NDUFAF5: variants seen among roughly 807,000 people sequenced by gnomAD.
The protein encoded by NDUFAF5 is NADH:ubiquinone oxidoreductase complex assembly factor 5.
NDUFAF5 carries 34 observed loss-of-function variants against 48.9 expected under a neutral mutation model. The observed-to-expected ratio is 0.70, with a 90% CI of 0.53 to 0.93. The LOEUF is 0.93. Ranked by LOEUF, NDUFAF5 falls within the 40% of genes least tolerant of loss-of-function variation. NDUFAF5 has a pLI of 0.00. For synonymous variants in NDUFAF5, 153 were observed against 150.6 expected (o/e 1.02, Z -0.12); for missense variants, 428 against 427.5 (o/e 1.00, Z -0.01).
At chr20:13,791,987 A>G (rs1450864438) in intron 3 of NDUFAF5, among the ~76,000 whole-genome samples, 1 of 152,182 alleles carries the variant, frequency 6.6e-6, no homozygotes, top group South Asian at 2.1e-4. Context: ...CCTGGTGGGA[A>G]TATTTATACC....
chr20:13,807,944 G>A lies in NDUFAF5; in HGVS notation c.718-898G>A, dbSNP rs62209208. On this transcript the variant is annotated intron_variant, in intron 7 of 10. Transcript: ENST00000378106. ...AGCCTGGGCAACACAGCAAGAATCC[G>A]TCTTAAAAAAAAAAAAAATTATTTT... Among the ~76,000 whole-genome samples, 447 of 81,040 alleles carry A rather than the reference G, an allele frequency of 5.5e-3. 1 individual carries two copies. The highest frequency in any genetic ancestry group is 8.8e-3 in the South Asian group (25 of 2,850). 53.2% of individuals were successfully genotyped at this position (81,040 alleles called of 152,430 possible). A position where few individuals can be genotyped will look rare whatever the true frequency, so the allele number is the denominator to read the frequency against.
chr20:13,804,488 C>CT (rs375461108), intron 7 of NDUFAF5, among the ~76,000 whole-genome samples: 39 of 151,512 alleles, frequency 2.6e-4, no homozygotes, highest in African/African-American at 8.2e-4. Context: ...ATTTCTGAAA[C>CT]TTTTTTTATT....
intron 8 of NDUFAF5, among the ~76,000 whole-genome samples, chr20:13,815,049 A>G (rs1464195608): frequency 6.6e-6 from 1 of 152,228 alleles, no homozygotes; most frequent in Non-Finnish European, 1.5e-5. Context: ...CTTAATTAGT[A>G]TATCCTAATA....
chr20:13,794,325 G>A (rs1298936975), intron 4 of NDUFAF5, among the ~76,000 whole-genome samples: 3 of 151,788 alleles, frequency 2.0e-5, no homozygotes, highest in Non-Finnish European at 4.4e-5. Context: ...TGTTGTCCAG[G>A]CTGGAGTGCA....
intron 7 of NDUFAF5, among the ~76,000 whole-genome samples, chr20:13,806,236 G>A (rs549263970): frequency 2.0e-5 from 3 of 152,276 alleles, no homozygotes; most frequent in Admixed American, 6.5e-5. Flanking sequence ...GGCCTGGCAC[G>A]GTGGCTCACG....
At chr20:13,795,636 T>A (rs894042309) in intron 5 of NDUFAF5, among the ~76,000 whole-genome samples, 1 of 152,088 alleles carries the variant, frequency 6.6e-6, no homozygotes, top group African/African-American at 2.4e-5. Flanking sequence ...CTGGGCAACA[T>A]AATGAAATGC....
At chr20:13,791,987 A>C (rs1450864438) in intron 3 of NDUFAF5, among the ~76,000 whole-genome samples, 5 of 152,182 alleles carry the variant, frequency 3.3e-5, no homozygotes, top group Non-Finnish European at 7.3e-5. Flanking sequence ...CCTGGTGGGA[A>C]TATTTATACC....
At position 13,819,761 on chromosome 20, in the gene NDUFAF5, G is replaced by A. The variant is rs564436090; in HGVS notation, c.*2551G>A. 6.6e-6 allele frequency: 1 copy of A among 152,200 alleles called. No homozygotes were observed. Among genetic ancestry groups the A allele is most frequent in the African/African-American group, 2.4e-5 (1 of 41,430 alleles). The allele number at this position is 152,200 out of a possible 1,614,324, so 9.4% of individuals were successfully genotyped here. On this transcript the variant is annotated 3_prime_UTR_variant, in exon 11 of 11. Coordinates refer to ENST00000378106, the MANE Select transcript of NDUFAF5 (RefSeq NM_024120.5). ...ACTGGTCCCAAGAATGCTGTGGTTG[G>A]TTTTGTGTCTTTTCCAGCACTTTTC...
intron 2 of NDUFAF5, among the ~76,000 whole-genome samples, chr20:13,787,888 T>C (rs1981477857): frequency 6.6e-6 from 1 of 151,942 alleles, no homozygotes; most frequent in African/African-American, 2.4e-5. Context: ...TTTCTTATTA[T>C]AGGTTTTTTT....
chr20:13,787,930 G>A (rs1350636985), intron 2 of NDUFAF5, among the ~76,000 whole-genome samples: 2 of 151,498 alleles, frequency 1.3e-5, no homozygotes, highest in Non-Finnish European at 2.9e-5. Context: ...TTAGATGTCT[G>A]TACCAATGTA....
chr20:13,817,702 T>C lies in NDUFAF5; in HGVS notation c.*492T>C, dbSNP rs1288672576. 4.4e-6 allele frequency: 2 copies of C among 453,994 alleles called. No individual in the cohort carries two copies. The highest frequency in any genetic ancestry group is 4.0e-5 in the African/African-American group (2 of 49,996). The allele number at this position is 453,994 out of a possible 1,614,324, so 28.1% of individuals were successfully genotyped here. On this transcript the variant is annotated 3_prime_UTR_variant, in exon 11 of 11. Coordinates refer to ENST00000378106, the MANE Select transcript of NDUFAF5 (RefSeq NM_024120.5). ...CCTTATTTCTTTTTTATCTCCATGG[T>C]GTGGGTGGGACCACCATGGTTTTAC...
Position 13,816,470 on chromosome 20 carries a change from T to G in NDUFAF5, c.786T>G (p.Gly262=). ...FELMEDLQGM[G]ESNCAWNRKA... is the part of the protein sequence containing the mutation. ...CCTGTAGTGTATTTGTAGGTATGGG[T>G]GAGAGTAACTGTGCTTGGAATAGAA... Residue 262 remains glycine, a synonymous_variant, in exon 9 of 11, where the codon GGT becomes GGG. Transcript: ENST00000378106. 1 of 1,613,240 alleles carries G rather than the reference T, an allele frequency of 6.2e-7. No homozygotes were observed. Among genetic ancestry groups the G allele is most frequent in the Non-Finnish European group, 8.5e-7 (1 of 1,179,224 alleles).
chr20:13,785,355 G>T, intron 1 of NDUFAF5, 65 bp downstream of exon 1: 1 of 1,395,226 alleles, frequency 7.2e-7, no homozygotes, highest in Non-Finnish European at 9.8e-7. Context: ...CTCTCCGCTA[G>T]TTCCGGCTAG....
In NDUFAF5 at chr20:13,785,144, C is replaced by T. The variant is rs774347863; in HGVS notation, c.76C>T (p.Arg26Cys). Reference protein sequence around the residue: ...AARVPAENLGRREVTSGVSPR... With the variant: ...AARVPAENLGCREVTSGVSPR... Reference sequence around the variant, plus strand: ...GAGGGTCCCAGCGGAGAATCTTGGCCGTAGGGAAGTCACCTCTGGTGTCTC... The same window carrying T: ...GAGGGTCCCAGCGGAGAATCTTGGCTGTAGGGAAGTCACCTCTGGTGTCTC... The change falls in exon 1 of 11, where the codon CGT becomes TGT. Residue 26 changes from arginine (R) to cysteine (C), a missense_variant. Transcript: ENST00000378106. The T allele has an allele frequency of 4.3e-6, 7 of 1,613,886 alleles. No homozygotes were observed. The highest frequency in any genetic ancestry group is 5.9e-6 in the Non-Finnish European group (7 of 1,179,990).
intron 8 of NDUFAF5, chr20:13,814,071 T>G (rs373964891): frequency 9.6e-5 from 21 of 218,410 alleles, no homozygotes; most frequent in South Asian, 4.0e-4. Flanking sequence ...TTGTTTGTTT[T>G]TTTTTAATGT....
Position 13,817,959 on chromosome 20 carries a change from A to T in NDUFAF5, c.*749A>T, listed in dbSNP as rs763431503. ...AGCTTAGGATAGGTGAGAAGAACAT[A>T]GAGGAAGCAGGGAGAAGGCTGAGAA... is the stretch of plus-strand genomic sequence containing the variant. On this transcript the variant is annotated 3_prime_UTR_variant, in exon 11 of 11. Coordinates refer to ENST00000378106, the MANE Select transcript of NDUFAF5 (RefSeq NM_024120.5). 6.6e-6 allele frequency: 3 copies of T among 454,066 alleles called. No homozygotes were observed. The highest frequency in any genetic ancestry group is 4.7e-5 in the South Asian group (3 of 64,488). 28.1% of individuals were successfully genotyped at this position (454,066 alleles called of 1,614,324 possible). A position where few individuals can be genotyped will look rare whatever the true frequency, so the allele number is the denominator to read the frequency against.
Position 13,817,308 on chromosome 20 carries a change from C to A in NDUFAF5, c.*98C>A. On this transcript the variant is annotated 3_prime_UTR_variant, in exon 11 of 11. Transcript: ENST00000378106. The stretch of plus-strand genomic sequence containing the variant: ...ATTTTGAAGCAAGAAGCACTCTAAG[C>A]TATTTACTAATAGGCTTTTCATATA... 1 of 941,650 alleles carries A rather than the reference C, an allele frequency of 1.1e-6. No homozygotes were observed. The highest frequency in any genetic ancestry group is 1.8e-6 in the Non-Finnish European group (1 of 568,910). The allele number at this position is 941,650 out of a possible 1,614,324, so 58.3% of individuals were successfully genotyped here. A position where few individuals can be genotyped will look rare whatever the true frequency, so the allele number is the denominator to read the frequency against.
chr20:13,814,468 G>A, intron 8 of NDUFAF5: 1 of 1,289,212 alleles, frequency 7.8e-7, no homozygotes, highest in South Asian at 1.2e-5. Flanking sequence ...CTGCATATCA[G>A]CTGATGAATG....
intron 1 of NDUFAF5, among the ~76,000 whole-genome samples, chr20:13,786,377 G>T (rs922472474): frequency 6.6e-6 from 1 of 152,164 alleles, no homozygotes; most frequent in Non-Finnish European, 1.5e-5. Flanking sequence ...CACTGCTGAT[G>T]TCGTGTACTT....
Sources: gnomAD v4.1 joint callset for allele counts (sites outside exome capture counted in the v4.1 genomes callset) on GRCh38, gnomAD v4.1.1 for gene constraint, MANE v1.5 for transcripts, NCBI Gene and HGNC (gene_info 2026-07-23, HGNC 2026-07-21) for gene names.